The following SPOCK1 variants were observed in gnomAD, a reference collection of about 807,000 sequenced individuals.
SPOCK1 encodes SPARC (osteonectin), cwcv and kazal like domains proteoglycan 1.
Under a neutral mutation model 55.3 loss-of-function variants are expected in SPOCK1, and 23 were observed. The observed-to-expected ratio is 0.42, with a 90% confidence interval of 0.30 to 0.59. The LOEUF (loss-of-function observed/expected upper bound fraction) is 0.59, where lower values mean the gene tolerates loss of function less well. Ranked by LOEUF, SPOCK1 falls within the 20% of genes least tolerant of loss-of-function variation. The pLI is 0.22. For synonymous variants in SPOCK1, 226 were observed against 221.0 expected, an observed-to-expected ratio of 1.02 and a Z score of -0.20; for missense variants, 499 against 552.5, an observed-to-expected ratio of 0.90 and a Z score of 0.97.
At chr5:137,331,393 A>G (rs1758177609) in intron 2 of SPOCK1, among the ~76,000 whole-genome samples, 1 of 152,212 alleles carries the variant, frequency 6.6e-6, no homozygotes, top group Non-Finnish European at 1.5e-5. Context: ...CAGCACCACA[A>G]TCAGACCCTC....
At chr5:137,498,658 C>T in intron 1 of SPOCK1, 100 bp from the exon 2 acceptor site, 1 of 1,038,480 alleles carries the variant, frequency 9.6e-7, no homozygotes, top group Non-Finnish European at 1.2e-6. Flanking sequence ...GGCGGGGACC[C>T]CGCGGCGGGC....
intron 4 of SPOCK1, among the ~76,000 whole-genome samples, chr5:137,130,317 T>C (rs1753850183): frequency 6.6e-6 from 1 of 152,228 alleles, no homozygotes; most frequent in Non-Finnish European, 1.5e-5. Flanking sequence ...GGGTAGACTA[T>C]GCCCACTCAT....
intron 6 of SPOCK1, among the ~76,000 whole-genome samples, chr5:137,021,385 AC>A (rs1349826816): frequency 2.0e-5 from 3 of 152,226 alleles, no homozygotes; most frequent in Non-Finnish European, 4.4e-5. Context: ...AGCAATAAAC[AC>A]AGAAGTCAAT....
At chr5:137,391,267 A>G (rs942836355) in intron 2 of SPOCK1, among the ~76,000 whole-genome samples, 1 of 152,178 alleles carries the variant, frequency 6.6e-6, no homozygotes, top group Non-Finnish European at 1.5e-5. Context: ...TCCATTATGC[A>G]TATGTGCCAC....
intron 2 of SPOCK1, among the ~76,000 whole-genome samples, chr5:137,442,629 T>C (rs1354541899): frequency 6.6e-6 from 1 of 152,222 alleles, no homozygotes; most frequent in African/African-American, 2.4e-5. Flanking sequence ...CACAAACTCT[T>C]TACAATGTAG....
chr5:137,128,235 C>T (rs1039356138), intron 4 of SPOCK1, among the ~76,000 whole-genome samples: 3 of 152,196 alleles, frequency 2.0e-5, no homozygotes, highest in Non-Finnish European at 4.4e-5. Context: ...AGTACCCTGA[C>T]CTTGGATTTT....
chr5:137,187,388 G>A (rs1755089632), intron 3 of SPOCK1, among the ~76,000 whole-genome samples: 2 of 152,112 alleles, frequency 1.3e-5, no homozygotes, highest in South Asian at 4.2e-4. Context: ...AGTTAACAAA[G>A]CCAGAAACTT....
intron 2 of SPOCK1, among the ~76,000 whole-genome samples, chr5:137,452,498 G>C (rs1003314667): frequency 3.9e-5 from 6 of 152,156 alleles, no homozygotes; most frequent in Non-Finnish European, 8.8e-5. Flanking sequence ...AAGTGAATCT[G>C]ATTCAAGGTT....
intron 2 of SPOCK1, among the ~76,000 whole-genome samples, chr5:137,309,068 T>C (rs999056954): frequency 1.3e-5 from 2 of 152,198 alleles, no homozygotes; most frequent in African/African-American, 4.8e-5. Context: ...TATTCTGTAA[T>C]GAGTAGGAAT....
intron 6 of SPOCK1, among the ~76,000 whole-genome samples, chr5:137,059,063 C>T (rs1752348158): frequency 1.0e-5 from 1 of 98,864 alleles, no homozygotes; most frequent in African/African-American, 3.3e-5. Context: ...GCTGGACTAC[C>T]ATGTGCAAAA....
intron 6 of SPOCK1, among the ~76,000 whole-genome samples, chr5:137,006,681 C>T (rs773142656): frequency 2.0e-5 from 3 of 152,074 alleles, no homozygotes; most frequent in Non-Finnish European, 4.4e-5. Context: ...TATTTGAATA[C>T]CTTTTATTTC....
At chr5:137,455,326 C>A (rs1753341053) in intron 2 of SPOCK1, among the ~76,000 whole-genome samples, 1 of 152,174 alleles carries the variant, frequency 6.6e-6, no homozygotes, top group African/African-American at 2.4e-5. Context: ...CACAGTAACT[C>A]ATCAAGAAGG....
At chr5:137,426,779 C>T (rs1752620560) in intron 2 of SPOCK1, among the ~76,000 whole-genome samples, 1 of 152,152 alleles carries the variant, frequency 6.6e-6, no homozygotes, top group Non-Finnish European at 1.5e-5. Flanking sequence ...GGAATCCTTC[C>T]CAGTCTGGCA....
chr5:137,086,139 T>C (rs944513527), intron 5 of SPOCK1, among the ~76,000 whole-genome samples: 4 of 152,240 alleles, frequency 2.6e-5, no homozygotes, highest in Non-Finnish European at 5.9e-5. Context: ...AAAGCACACC[T>C]GACCCTCACT....
intron 2 of SPOCK1, among the ~76,000 whole-genome samples, chr5:137,439,775 C>A (rs7720059): frequency 1.3e-4 from 20 of 152,114 alleles, no homozygotes; most frequent in Non-Finnish European, 2.5e-4. Context: ...TGGCAGCTGG[C>A]CATTCACTCT....
At chr5:137,239,081 G>T (rs1756235955) in intron 3 of SPOCK1, among the ~76,000 whole-genome samples, 1 of 152,204 alleles carries the variant, frequency 6.6e-6, no homozygotes, top group South Asian at 2.1e-4. Flanking sequence ...CCAACCATGT[G>T]ATTAAAAGAT....
Position 137,496,530 on chromosome 5 carries a change from G to A in SPOCK1, c.186+1843C>T, listed in dbSNP as rs74522457. On this transcript the variant is annotated intron_variant, in intron 2 of 10. Coordinates refer to ENST00000394945, the MANE Select transcript of SPOCK1 (RefSeq NM_004598.4). ...AGCACCAAGGCATCTATCTCCAGAG[G>A]TGGCCCTTCACTTCTAATCCTGGCT... Among the ~76,000 whole-genome samples the A allele has an allele frequency of 6.0e-3, 908 of 152,314 alleles. 12 individuals are homozygous for A. Among genetic ancestry groups the A allele is most frequent in the African/African-American group, 0.021 (880 of 41,560 alleles).
chr5:137,416,885 C>T (rs1008553605), intron 2 of SPOCK1, among the ~76,000 whole-genome samples: 1 of 152,048 alleles, frequency 6.6e-6, no homozygotes, highest in Admixed American at 6.6e-5. Flanking sequence ...GCCCACTGGC[C>T]ACTTATAGAT....
At chr5:137,335,266 T>TA (rs377016703) in intron 2 of SPOCK1, among the ~76,000 whole-genome samples, 11 of 152,202 alleles carry the variant, frequency 7.2e-5, no homozygotes, top group African/African-American at 2.2e-4. Flanking sequence ...AAATACAGGT[T>TA]AAAAAACACA....
Sources: gnomAD v4.1 joint callset for allele counts (sites outside exome capture counted in the v4.1 genomes callset) on GRCh38, gnomAD v4.1.1 for gene constraint, MANE v1.5 for transcripts, NCBI Gene and HGNC (gene_info 2026-07-23, HGNC 2026-07-21) for gene names.